The following PCDHGA2 variants were observed in gnomAD, a reference collection of about 807,000 sequenced individuals.
PCDHGA2 encodes protocadherin gamma subfamily A, 2.
A neutral mutation model predicts 59.2 loss-of-function variants in PCDHGA2; 40 were observed. The observed-to-expected ratio is 0.68, with a 90% CI of 0.52 to 0.88. The LOEUF (loss-of-function observed/expected upper bound fraction) is 0.88, where lower values mean the gene tolerates loss of function less well. PCDHGA2 is among the 40% of genes least tolerant of loss of function. The probability of loss-of-function intolerance (pLI) is 0.00; values close to 1 mark genes in which losing one functional copy is unlikely to be tolerated. For synonymous variants in PCDHGA2, 560 were observed against 526.0 expected, an observed-to-expected ratio of 1.06 and a Z score of -0.89; for missense variants, 1,226 against 1,204.0, an observed-to-expected ratio of 1.02 and a Z score of -0.27.
At chr5:141,409,324 G>C (rs759596277) in intron 1 of PCDHGA2, 1 of 1,614,000 alleles carries the variant, frequency 6.2e-7, no homozygotes, top group East Asian at 2.2e-5. Context: ...CACGGGATCT[G>C]GATTTCGGAG....
intron 1 of PCDHGA2, chr5:141,410,087 G>C (rs1427716409): frequency 6.2e-7 from 1 of 1,612,364 alleles, no homozygotes; most frequent in Admixed American, 1.7e-5. Context: ...GGTGCGCACG[G>C]CTCGAGCCTT....
At chr5:141,375,803 G>A (rs1771910516) in intron 1 of PCDHGA2, 5 of 1,614,234 alleles carry the variant, frequency 3.1e-6, no homozygotes, top group Non-Finnish European at 4.2e-6. Flanking sequence ...CGGTTCCACT[G>A]GCGTGGAGCT....
Position 141,485,739 on chromosome 5 carries a change from G to A in PCDHGA2, c.2425-9068G>A. 6.2e-7 allele frequency: 1 copy of A among 1,614,234 alleles called. No individual in the cohort carries two copies. Among genetic ancestry groups the A allele is most frequent in the Non-Finnish European group, 8.5e-7 (1 of 1,180,042 alleles). ...GATGTGAAGAAGCGCAGCGACGGCA[G>A]CCTGGTCCCAGAGCTGCTCCTGGAG... On this transcript the variant is annotated intron_variant, in intron 1 of 3. Transcript: ENST00000394576. The surrounding 1 kb of genome is among the most constrained non-coding windows in gnomAD (Gnocchi z 5.7).
At chr5:141,394,108 T>C in intron 1 of PCDHGA2, 1 of 1,613,972 alleles carries the variant, frequency 6.2e-7, no homozygotes, top group Non-Finnish European at 8.5e-7. Context: ...ACACCACCTC[T>C]GTCCACTGAA....
At chr5:141,423,257 G>A in intron 1 of PCDHGA2, 2 of 1,613,946 alleles carry the variant, frequency 1.2e-6, no homozygotes, top group Non-Finnish European at 1.7e-6. Context: ...GCGGACCTCG[G>A]CAGCCTCGAG....
chr5:141,345,647 G>A (rs754384380), intron 1 of PCDHGA2: 2 of 1,614,204 alleles, frequency 1.2e-6, no homozygotes, highest in Non-Finnish European at 8.5e-7. Flanking sequence ...GCGACAGCGG[G>A]AACCCTCCAC....
At chr5:141,415,045 G>A (rs2095819214) in intron 1 of PCDHGA2, 23 of 1,613,538 alleles carry the variant, frequency 1.4e-5, no homozygotes, top group Non-Finnish European at 1.8e-5. Flanking sequence ...CTTCGCGGTG[G>A]GGGAGCACAC....
Position 141,486,544 on chromosome 5 carries a change from G to C in PCDHGA2, c.2425-8263G>C, listed in dbSNP as rs1376583724. Reference sequence around the variant, plus strand: ...ATGATAATCCACCCTCTTTCTTTCAGAGGTCACATGAGGTGTTTGTTCCTG... The same window carrying C: ...ATGATAATCCACCCTCTTTCTTTCACAGGTCACATGAGGTGTTTGTTCCTG... On this transcript the variant is annotated intron_variant, in intron 1 of 3. Coordinates refer to ENST00000394576, the MANE Select transcript of PCDHGA2 (RefSeq NM_018915.4). The surrounding 1 kb of genome is among the most constrained non-coding windows in gnomAD (Gnocchi z 5.0). The C allele has an allele frequency of 6.2e-7, 1 of 1,613,964 alleles. No homozygotes were observed. The highest frequency in any genetic ancestry group is 1.3e-5 in the African/African-American group (1 of 74,932).
In PCDHGA2 at chr5:141,357,420, T is replaced by G. The variant is rs754113080; in HGVS notation, c.2424+16025T>G. 1.9e-6 allele frequency: 3 copies of G among 1,614,132 alleles called. No individual in the cohort carries two copies. The highest frequency in any genetic ancestry group is 1.3e-5 in the African/African-American group (1 of 74,956). On this transcript the variant is annotated intron_variant, in intron 1 of 3. Transcript: ENST00000394576. ...TGGCAGGTGTGCCTGCCTCGCACTTTGTGGGCGTGGACGGGGTTCGGGCTT... is the reference window on the plus strand; with the variant it reads ...TGGCAGGTGTGCCTGCCTCGCACTTGGTGGGCGTGGACGGGGTTCGGGCTT...
intron 1 of PCDHGA2, chr5:141,375,224 C>G (rs1771263153): frequency 6.2e-7 from 1 of 1,613,976 alleles, no homozygotes; most frequent in Non-Finnish European, 8.5e-7. Flanking sequence ...CCTGAATGGC[C>G]TGGTAACCTG....
chr5:141,340,521 T>C lies in PCDHGA2; in HGVS notation c.1550T>C (p.Leu517Pro). 6.2e-7 allele frequency: 1 copy of C among 1,614,260 alleles called. No homozygotes were observed. Among genetic ancestry groups the C allele is most frequent in the Non-Finnish European group, 8.5e-7 (1 of 1,180,046 alleles). Residue 517 changes from leucine (L) to proline (P), a missense_variant, in exon 1 of 4, where the codon CTG becomes CCG. Leu to Pro is a moderately conservative substitution (Grantham distance 98). Transcript: ENST00000394576. ...TCCGACACTGGAGTACTCTATGCAC[T>C]GCGCTCCTTTGATTATGAGCAGTTG... ...INSDTGVLYALRSFDYEQLRD... is the reference protein window; with the variant it reads ...INSDTGVLYAPRSFDYEQLRD...
At chr5:141,462,019 C>T (rs1276421563) in intron 1 of PCDHGA2, among the ~76,000 whole-genome samples, 6 of 152,178 alleles carry the variant, frequency 3.9e-5, no homozygotes, top group Non-Finnish European at 8.8e-5. Flanking sequence ...GACGGGGTTT[C>T]TTCATGTTGG....
chr5:141,419,325 ACT>A (rs1329600066), intron 1 of PCDHGA2: 33 of 1,613,586 alleles, frequency 2.0e-5, no homozygotes, highest in Non-Finnish European at 2.6e-5. Flanking sequence ...CGTGTCTCCT[ACT>A]CTCTCATTGC....
chr5:141,487,435 A>G lies in PCDHGA2; in HGVS notation c.2425-7372A>G, dbSNP rs776328527. On this transcript the variant is annotated intron_variant, in intron 1 of 3. Transcript: ENST00000394576. The surrounding 1 kb of genome is among the most constrained non-coding windows in gnomAD (Gnocchi z 5.0). ...CCAATGGGATCCTCCGAATCCAGCT[A>G]GGGTCAGATGACCCTATCAAGTTTG... 3.7e-6 allele frequency: 6 copies of G among 1,614,164 alleles called. No individual in the cohort carries two copies. In the South Asian group the frequency reaches 6.6e-5, roughly 18 times the overall value.
intron 1 of PCDHGA2, among the ~76,000 whole-genome samples, chr5:141,445,740 A>T (rs993128906): frequency 2.6e-5 from 4 of 152,226 alleles, no homozygotes; most frequent in Admixed American, 1.3e-4. Flanking sequence ...AGATCTTTTT[A>T]AAAAATAAAA....
chr5:141,506,085 G>A lies in PCDHGA2; in HGVS notation c.2572+604G>A, dbSNP rs532931472. Among the ~76,000 whole-genome samples the A allele has an allele frequency of 2.6e-4, 39 of 152,168 alleles. 1 individual carries two copies. In the South Asian group the frequency reaches 2.9e-3, roughly 11 times the overall value. On this transcript the variant is annotated intron_variant, in intron 3 of 3. Coordinates refer to ENST00000394576, the MANE Select transcript of PCDHGA2 (RefSeq NM_018915.4). ...AGGGCTTCCTTTGTAATAGAGATTC[G>A]GCTAGTGGTGGTTGTCCCTGAAGAG...
chr5:141,349,513 T>C (rs1436793656), intron 1 of PCDHGA2, among the ~76,000 whole-genome samples: 1 of 152,232 alleles, frequency 6.6e-6, no homozygotes, highest in Admixed American at 6.5e-5. Flanking sequence ...TTGTCCTACT[T>C]AACTGGAAAG....
At position 141,371,314 on chromosome 5, in the gene PCDHGA2, T is replaced by G. The variant is rs763858209; in HGVS notation, c.2424+29919T>G. The G allele has an allele frequency of 6.8e-6, 11 of 1,613,964 alleles. No individual in the cohort carries two copies. The East Asian group carries it at 2.2e-4, about 33-fold the overall frequency. The stretch of plus-strand genomic sequence containing the variant: ...GGGGAACTCACCACTATTGGAGAAC[T>G]GGACTTTGAAGAGAGAGATAGCTAC... On this transcript the variant is annotated intron_variant, in intron 1 of 3. Transcript: ENST00000394576.
intron 1 of PCDHGA2, among the ~76,000 whole-genome samples, chr5:141,357,968 T>C (rs1760776838): frequency 6.6e-6 from 1 of 152,172 alleles, no homozygotes; most frequent in Non-Finnish European, 1.5e-5. Context: ...GGAGGACGGA[T>C]TGCCTGAGCT....
Sources: gnomAD v4.1 joint callset for allele counts (sites outside exome capture counted in the v4.1 genomes callset) on GRCh38, gnomAD v4.1.1 for gene constraint, Gnocchi (gnomAD v3.1) non-coding constraint, MANE v1.5 for transcripts, NCBI Gene and HGNC (gene_info 2026-07-23, HGNC 2026-07-21) for gene names.